Variants in GADL1 observed in about 807,000 individuals in gnomAD.
GADL1 encodes the protein GAD like acidic amino acid decarboxylase 1, also known as acidic amino acid decarboxylase GADL1.
GADL1 carries 71 observed loss-of-function variants against 69.5 expected under a neutral mutation model. The observed-to-expected ratio is 1.02, with a 90% confidence interval of 0.84 to 1.25. The LOEUF is 1.25. Among genes scored for constraint, GADL1 ranks in the 50% most tolerant of loss-of-function variants. GADL1 has a pLI of 0.00. For missense variants in GADL1, 737 were observed against 631.8 expected, an observed-to-expected ratio of 1.17 and a Z score of -1.79; for synonymous variants, 254 against 214.4, an observed-to-expected ratio of 1.18 and a Z score of -1.62.
chr3:30,776,303 ATTTC>A (rs1696535148), intron 14 of GADL1, among the ~76,000 whole-genome samples: 1 of 152,166 alleles, frequency 6.6e-6, no homozygotes, highest in South Asian at 2.1e-4. Flanking sequence ...TCAACTTGTA[ATTTC>A]TTTCTCTACC....
intron 14 of GADL1, among the ~76,000 whole-genome samples, chr3:30,777,145 T>TAGTA (rs779088396): frequency 6.6e-6 from 1 of 152,170 alleles, no homozygotes; most frequent in African/African-American, 2.4e-5. Context: ...TTCCAGTGCA[T>TAGTA]AGTATAGTGG....
intron 11 of GADL1, among the ~76,000 whole-genome samples, chr3:30,814,384 T>TG (rs1292857457): frequency 6.6e-6 from 1 of 152,168 alleles, no homozygotes; most frequent in Non-Finnish European, 1.5e-5. Context: ...GATGAGCAAG[T>TG]GAGTACACCT....
At chr3:30,879,599 C>G (rs1162166203) in intron 1 of GADL1, among the ~76,000 whole-genome samples, 2 of 151,926 alleles carry the variant, frequency 1.3e-5, no homozygotes, top group African/African-American at 4.8e-5. Context: ...CTCTCCACCC[C>G]TGCTTCCATC....
At chr3:30,795,006 G>T (rs1003988075) in intron 12 of GADL1, among the ~76,000 whole-genome samples, 7 of 152,150 alleles carry the variant, frequency 4.6e-5, no homozygotes, top group African/African-American at 1.7e-4. Flanking sequence ...CTAGGGCCTA[G>T]GGAAGTGGAT....
intron 13 of GADL1, among the ~76,000 whole-genome samples, chr3:30,782,016 TTATAGA>T (rs1696677367): frequency 6.6e-6 from 1 of 152,188 alleles, no homozygotes; most frequent in African/African-American, 2.4e-5. Context: ...GCTTTCTATG[TTATAGA>T]TATTGACTAG....
chr3:30,779,221 A>C (rs1696604470), intron 13 of GADL1: 1 of 152,250 alleles, frequency 6.6e-6, no homozygotes, highest in African/African-American at 2.4e-5. Flanking sequence ...TTGGGGGTTC[A>C]CAAATTAGAC....
At chr3:30,787,284 AAG>A (rs1559499821) in intron 12 of GADL1, among the ~76,000 whole-genome samples, 1 of 152,180 alleles carries the variant, frequency 6.6e-6, no homozygotes, top group African/African-American at 2.4e-5. Context: ...TGTTGGGGGA[AAG>A]AGAATTGTCA....
intron 1 of GADL1, among the ~76,000 whole-genome samples, chr3:30,870,842 A>G (rs1261871416): frequency 6.6e-6 from 1 of 151,728 alleles, no homozygotes; most frequent in African/African-American, 2.4e-5. Context: ...AGACCCGAGC[A>G]ATGAGACAGA....
intron 11 of GADL1, among the ~76,000 whole-genome samples, chr3:30,808,939 T>C (rs1196358902): frequency 6.6e-6 from 1 of 152,236 alleles, no homozygotes; most frequent in African/African-American, 2.4e-5. Context: ...GTGTCTGTTC[T>C]TCTGTGTAAC....
chr3:30,783,392 CA>C (rs1488082335), intron 13 of GADL1, among the ~76,000 whole-genome samples: 1 of 152,106 alleles, frequency 6.6e-6, no homozygotes. Flanking sequence ...TAAAATAATA[CA>C]TTTCTTGAAG....
rs552869650 is a variant in GADL1 at position 30,752,200 on chromosome 3, CTT to C, written c.1393-23787_1393-23786del. The stretch of plus-strand genomic sequence containing the variant: ...AGTGCTGTTAAGTTCTCTCAGGTAA[CTT>C]TAGGGTTTTCGACAGCTTTTCCTTT... On this transcript the variant is annotated intron_variant, in intron 14 of 14. Coordinates refer to ENST00000282538, the MANE Select transcript of GADL1 (RefSeq NM_207359.3). Among the ~76,000 whole-genome samples the C allele has an allele frequency of 7.1e-4, 108 of 152,226 alleles. No individual in the cohort carries two copies. The Middle Eastern group carries it at 0.014, about 19-fold the overall frequency.
chr3:30,882,351 C>T (rs140760320), intron 1 of GADL1, among the ~76,000 whole-genome samples: 84 of 151,970 alleles, frequency 5.5e-4, no homozygotes, highest in African/African-American at 1.9e-3. Flanking sequence ...TTCCCCCTCG[C>T]AATCCACTGG....
chr3:30,808,083 G>T (rs1260270025), intron 11 of GADL1, among the ~76,000 whole-genome samples: 1 of 152,140 alleles, frequency 6.6e-6, no homozygotes, highest in Non-Finnish European at 1.5e-5. Flanking sequence ...ACTGACCCAT[G>T]TAAAAGGTCA....
At chr3:30,820,788 G>GAA (rs1275892971) in intron 11 of GADL1, among the ~76,000 whole-genome samples, 2 of 151,720 alleles carry the variant, frequency 1.3e-5, no homozygotes, top group African/African-American at 4.8e-5. Flanking sequence ...TCTAGAACTA[G>GAA]AAATACCATT....
At position 30,788,142 on chromosome 3, in the gene GADL1, C is replaced by T. The variant is rs1423885571; in HGVS notation, c.1251-1736G>A. Among the ~76,000 whole-genome samples, 5 of 152,274 alleles carry T rather than the reference C, an allele frequency of 3.3e-5. No individual in the cohort carries two copies. The East Asian group carries it at 7.7e-4, about 24-fold the overall frequency. On this transcript the variant is annotated intron_variant, in intron 12 of 14. Coordinates refer to ENST00000282538, the MANE Select transcript of GADL1 (RefSeq NM_207359.3). ...GCTATAAAGTTTTTAAACCATCTAT[C>T]ACACTGGCTAGCTTTCATAAAAAGC...
intron 14 of GADL1, among the ~76,000 whole-genome samples, chr3:30,729,540 G>A (rs1695423492): frequency 6.6e-6 from 1 of 152,106 alleles, no homozygotes; most frequent in African/African-American, 2.4e-5. Context: ...CCTTAGGTGA[G>A]GGGCATGAAT....
intron 14 of GADL1, among the ~76,000 whole-genome samples, chr3:30,770,411 A>C (rs1195458221): frequency 6.6e-6 from 1 of 152,226 alleles, no homozygotes; most frequent in Non-Finnish European, 1.5e-5. Flanking sequence ...GCTCATGTGC[A>C]AATGTTACAC....
intron 1 of GADL1, among the ~76,000 whole-genome samples, 168 bp from the exon 2 acceptor site, chr3:30,861,933 T>C (rs1001036701): frequency 7.0e-6 from 1 of 142,566 alleles, no homozygotes; most frequent in Non-Finnish European, 1.5e-5. Flanking sequence ...CACCATGGTA[T>C]GATAGTTAAG....
intron 14 of GADL1, among the ~76,000 whole-genome samples, chr3:30,771,514 G>A (rs28698800): frequency 0.24 from 36,981 of 152,022 alleles, 8,043 homozygotes; most frequent in African/African-American, 0.58. Flanking sequence ...CACATTTAGA[G>A]CTATTTTCTT....
Sources: allele counts gnomAD v4.1 joint callset (sites outside exome capture counted in the v4.1 genomes callset), GRCh38; gene constraint gnomAD v4.1.1; transcripts MANE v1.5; gene names NCBI Gene and HGNC (gene_info 2026-07-23, HGNC 2026-07-21).